The following TENM2 variants were observed in gnomAD, a reference collection of about 807,000 sequenced individuals.
The protein encoded by TENM2 is teneurin-2.
A neutral mutation model predicts 245.2 loss-of-function variants in TENM2; 52 were observed. That is an observed-to-expected ratio of 0.21 (90% confidence interval 0.17 to 0.27). The LOEUF (loss-of-function observed/expected upper bound fraction) is 0.27. Among genes scored for constraint, TENM2 ranks in the 10% least tolerant of loss-of-function variants. TENM2 has a pLI of 1.00. For synonymous variants in TENM2, 1,363 were observed against 1,438.9 expected (o/e 0.95, Z 1.19); for missense variants, 3,046 against 3,666.8 (o/e 0.83, Z 4.37).
At chr5:167,964,510 G>A (rs1781244602) in intron 4 of TENM2, among the ~76,000 whole-genome samples, 2 of 152,204 alleles carry the variant, frequency 1.3e-5, no homozygotes, top group Non-Finnish European at 2.9e-5. Context: ...AACCTACCAT[G>A]TGTCAGGCAC....
intron 2 of TENM2, among the ~76,000 whole-genome samples, chr5:167,631,686 C>A (rs1327927928): frequency 6.6e-6 from 1 of 152,146 alleles, no homozygotes; most frequent in Non-Finnish European, 1.5e-5. Context: ...TAAGCATGCT[C>A]TCACTAGACC....
chr5:167,843,665 G>A (rs1254911644), intron 2 of TENM2, among the ~76,000 whole-genome samples: 1 of 152,122 alleles, frequency 6.6e-6, no homozygotes, highest in African/African-American at 2.4e-5. Context: ...AAGAAGGTTT[G>A]AAAACAAAAC....
chr5:167,715,015 G>A (rs1340863576), intron 2 of TENM2, among the ~76,000 whole-genome samples: 1 of 152,028 alleles, frequency 6.6e-6, no homozygotes, highest in African/African-American at 2.4e-5. Flanking sequence ...CTTGTTGATA[G>A]AACTTAAGAG....
At chr5:167,790,639 C>A (rs1393555998) in intron 2 of TENM2, among the ~76,000 whole-genome samples, 3 of 152,158 alleles carry the variant, frequency 2.0e-5, no homozygotes, top group Admixed American at 1.3e-4. Flanking sequence ...GTGCCTCCGC[C>A]ATCTTGCACC....
At chr5:167,762,863 C>T (rs551229736) in intron 2 of TENM2, among the ~76,000 whole-genome samples, 4 of 152,318 alleles carry the variant, frequency 2.6e-5, no homozygotes, top group Admixed American at 1.3e-4. Flanking sequence ...CTACATCTTC[C>T]GCTCCAAAAG....
At chr5:167,683,135 A>G (rs781354211) in intron 2 of TENM2, among the ~76,000 whole-genome samples, 2 of 152,196 alleles carry the variant, frequency 1.3e-5, no homozygotes, top group Non-Finnish European at 2.9e-5. Context: ...AATAATAGCA[A>G]CTACACTTAT....
chr5:168,042,972 G>T (rs76624229), intron 5 of TENM2, among the ~76,000 whole-genome samples: 1 of 152,166 alleles, frequency 6.6e-6, no homozygotes, highest in Non-Finnish European at 1.5e-5. Flanking sequence ...TCTCTGAAGC[G>T]GAGCCTGTCA....
chr5:167,865,330 G>C (rs1265961719), intron 2 of TENM2, among the ~76,000 whole-genome samples: 5 of 152,034 alleles, frequency 3.3e-5, no homozygotes, highest in Non-Finnish European at 1.5e-5. Flanking sequence ...CCAGGCCAGA[G>C]TGGCACATTC....
intron 25 of TENM2, among the ~76,000 whole-genome samples, chr5:168,235,493 T>A (rs910145479): frequency 6.6e-6 from 1 of 152,174 alleles, no homozygotes; most frequent in African/African-American, 2.4e-5. Flanking sequence ...AGCAAGGAGA[T>A]AATAATCCAA....
At chr5:167,813,387 G>GCA (rs142804283) in intron 2 of TENM2, among the ~76,000 whole-genome samples, 11,958 of 145,324 alleles carry the variant, frequency 0.082, 505 homozygotes, top group East Asian at 0.16. Context: ...TACAAGTTCT[G>GCA]CACACACACA....
chr5:167,049,602 T>C, the TENM2 span, among the ~76,000 whole-genome samples: 1 of 152,210 alleles, frequency 6.6e-6, no homozygotes, highest in Non-Finnish European at 1.5e-5. Context: ...TTGTGAATGA[T>C]TTTTTGAAAC....
At chr5:168,153,442 A>C (rs1473327644) in intron 12 of TENM2, among the ~76,000 whole-genome samples, 1 of 152,230 alleles carries the variant, frequency 6.6e-6, no homozygotes, top group African/African-American at 2.4e-5. Flanking sequence ...AGGAACCCTG[A>C]GCTGGAAGCC....
At position 167,418,975 on chromosome 5, in the gene TENM2, G is replaced by A. The variant is rs189417871; in HGVS notation, c.502+43502G>A. On this transcript the variant is annotated intron_variant, in intron 2 of 28. Transcript: ENST00000518659. ...GTTTAAACATTATCATCTAATAAAA[G>A]CATATTGAGAAATTAGATAATTTGA... Among the ~76,000 whole-genome samples the A allele has an allele frequency of 5.6e-3, 853 of 152,038 alleles. 12 individuals carry two copies. Among genetic ancestry groups the A allele is most frequent in the African/African-American group, 0.019 (806 of 41,466 alleles).
chr5:167,373,397 C>A (rs1760556900), intron 1 of TENM2, among the ~76,000 whole-genome samples: 1 of 152,118 alleles, frequency 6.6e-6, no homozygotes, highest in Admixed American at 6.6e-5. Flanking sequence ...AAGGAATGAT[C>A]TTAATGTAAT....
exon 9 of TENM2, chr5:168,098,116 A>G: frequency 6.2e-7 from 1 of 1,612,890 alleles, no homozygotes. Flanking sequence ...CTAGGAGCAG[A>G]CTGTGCTAAA....
In TENM2 at chr5:168,244,434, T is replaced by C. The variant is rs1489518031; in HGVS notation, c.5535T>C (p.Asn1845=). Residue 1845 remains asparagine (N), a synonymous_variant, in exon 26 of 29, where the codon AAT becomes AAC. Transcript: ENST00000518659. This position sits in a 1 kb window ranked among gnomAD's most constrained non-coding sequence, Gnocchi z 4.9. ...TGTTTTCCTAGGTCCATGGAAGAAA[T>C]CTCTTGTCCATTGACTATGATCGAA... 4 of 1,548,906 alleles carry C rather than the reference T, an allele frequency of 2.6e-6. No individual in the cohort carries two copies. The highest frequency in any genetic ancestry group is 1.8e-5 in the Admixed American group (1 of 54,682).
intron 2 of TENM2, among the ~76,000 whole-genome samples, chr5:167,426,023 A>G (rs920259979): frequency 6.6e-6 from 1 of 152,170 alleles, no homozygotes; most frequent in Non-Finnish European, 1.5e-5. Context: ...CGTTCTTCTC[A>G]TAACCTGCCA....
rs570862562 is a variant in TENM2, at chr5:167,840,520, C to G, written c.503-35466C>G. Among the ~76,000 whole-genome samples the G allele has an allele frequency of 2.0e-5, 3 of 152,168 alleles. No individual in the cohort carries two copies. In the East Asian group the frequency reaches 5.8e-4, roughly 29 times the overall value. ...ATTCGCTAAGTTCATCCTGGAGCAC[C>G]TAACCGCGTCTCCCCTCCTTCCTCC... On this transcript the variant is annotated intron_variant, in intron 2 of 28. Transcript: ENST00000518659.
intron 7 of TENM2, among the ~76,000 whole-genome samples, chr5:168,079,143 C>T (rs1791746331): frequency 6.6e-6 from 1 of 152,168 alleles, no homozygotes; most frequent in Admixed American, 6.5e-5. Context: ...AGAGGTCCTT[C>T]ACATCCCTTG....
Sources: allele counts gnomAD v4.1 joint callset (sites outside exome capture counted in the v4.1 genomes callset), GRCh38; gene constraint gnomAD v4.1.1; non-coding constraint Gnocchi (gnomAD v3.1); transcripts MANE v1.5; gene names NCBI Gene and HGNC (gene_info 2026-07-23, HGNC 2026-07-21).